The following ARHGAP39 variants were observed in gnomAD, a reference collection of about 807,000 sequenced individuals.
ARHGAP39 encodes rho GTPase-activating protein 39.
Under a neutral mutation model 106.9 loss-of-function variants are expected in ARHGAP39, and 44 were observed. The observed-to-expected ratio is 0.41, with a 90% CI of 0.32 to 0.53. The LOEUF (loss-of-function observed/expected upper bound fraction) is 0.53, where lower values mean the gene tolerates loss of function less well. Ranked by LOEUF, ARHGAP39 falls within the 20% of genes least tolerant of loss-of-function variation. The pLI is 0.21. For synonymous variants in ARHGAP39, 768 were observed against 693.2 expected (o/e 1.11, Z -1.69); for missense variants, 1,496 against 1,577.3 (o/e 0.95, Z 0.87).
intron 1 of ARHGAP39, among the ~76,000 whole-genome samples, chr8:144,616,036 C>T (rs1055657597): frequency 6.6e-6 from 1 of 152,252 alleles, no homozygotes; most frequent in African/African-American, 2.4e-5. Flanking sequence ...GGGTCAGGCA[C>T]ACCCCACACG....
intron 2 of ARHGAP39, among the ~76,000 whole-genome samples, chr8:144,598,523 G>A (rs574004055): frequency 3.3e-5 from 5 of 152,352 alleles, no homozygotes; most frequent in Admixed American, 1.3e-4. Flanking sequence ...CCCGGGGCAT[G>A]AGAGAAGGCA....
At chr8:144,570,186 A>T (rs1818535816) in intron 3 of ARHGAP39, among the ~76,000 whole-genome samples, 1 of 152,182 alleles carries the variant, frequency 6.6e-6, no homozygotes, top group South Asian at 2.1e-4. Context: ...GTGCCATTGC[A>T]CCCCAGCCCG....
At chr8:144,676,814 C>CAGAG (rs1822255009) in intron 1 of ARHGAP39, among the ~76,000 whole-genome samples, 1 of 152,270 alleles carries the variant, frequency 6.6e-6, no homozygotes, top group Non-Finnish European at 1.5e-5. Context: ...AGAGAGAGGC[C>CAGAG]CCCACAGCGC....
intron 2 of ARHGAP39, among the ~76,000 whole-genome samples, chr8:144,587,663 T>C (rs1819232147): frequency 6.6e-6 from 1 of 150,426 alleles, no homozygotes; most frequent in African/African-American, 2.4e-5. Flanking sequence ...ACTTTTTTTT[T>C]TTTTTTTTTG....
At chr8:144,665,424 C>T (rs997205338) in intron 1 of ARHGAP39, among the ~76,000 whole-genome samples, 1 of 152,224 alleles carries the variant, frequency 6.6e-6, no homozygotes, top group Non-Finnish European at 1.5e-5. Flanking sequence ...GAATGTCAAT[C>T]CCCAAGACCA....
chr8:144,552,984 T>A (rs910990057), intron 4 of ARHGAP39, among the ~76,000 whole-genome samples: 1 of 152,220 alleles, frequency 6.6e-6, no homozygotes, highest in Non-Finnish European at 1.5e-5. Flanking sequence ...CGGGCCTGGC[T>A]GGCTCTCAAC....
At chr8:144,680,726 G>A (rs1286237632) in intron 1 of ARHGAP39, among the ~76,000 whole-genome samples, 2 of 152,200 alleles carry the variant, frequency 1.3e-5, no homozygotes, top group Non-Finnish European at 2.9e-5. Flanking sequence ...CAAAAGAAAA[G>A]GAGGGGAAAG....
intron 1 of ARHGAP39, among the ~76,000 whole-genome samples, chr8:144,662,331 G>A (rs543536291): frequency 7.4e-5 from 8 of 108,030 alleles, no homozygotes; most frequent in Admixed American, 3.2e-4. Flanking sequence ...CCTACTATCC[G>A]CCTTAGAGCG....
At chr8:144,597,248 C>T (rs72697662) in intron 2 of ARHGAP39, among the ~76,000 whole-genome samples, 14,378 of 152,176 alleles carry the variant, frequency 0.094, 806 homozygotes, top group African/African-American at 0.13. Context: ...GGGGAGGCAG[C>T]TCCACCCGAT....
At chr8:144,695,347 T>C in the ARHGAP39 span, among the ~76,000 whole-genome samples, 22 of 151,394 alleles carry the variant, frequency 1.5e-4, no homozygotes, top group African/African-American at 5.3e-4. Flanking sequence ...GTGCTGGGAT[T>C]ACAGGTGTGA....
chr8:144,532,982 T>C (rs753965894), intron 9 of ARHGAP39, 144 bp downstream of exon 9: 19 of 1,020,258 alleles, frequency 1.9e-5, no homozygotes, highest in Non-Finnish European at 2.5e-5. Flanking sequence ...TTCCACACTG[T>C]GGCCCCACCC....
chr8:144,582,000 C>A (rs1819009927), intron 2 of ARHGAP39, among the ~76,000 whole-genome samples: 1 of 152,216 alleles, frequency 6.6e-6, no homozygotes, highest in African/African-American at 2.4e-5. Flanking sequence ...CTTAACCCTG[C>A]GACAGGCCTG....
At chr8:144,556,993 C>G (rs1242025640) in intron 3 of ARHGAP39, among the ~76,000 whole-genome samples, 2 of 142,448 alleles carry the variant, frequency 1.4e-5, no homozygotes, top group Non-Finnish European at 3.0e-5. Context: ...TCATAGTATT[C>G]AGAGGCAAAG....
intron 5 of ARHGAP39, 135 bp from the exon 6 acceptor site, chr8:144,545,945 C>T: frequency 1.4e-6 from 1 of 725,606 alleles, no homozygotes; most frequent in Non-Finnish European, 2.2e-6. Context: ...GCCCTGCTCA[C>T]CACAAAGCTG....
intron 1 of ARHGAP39, among the ~76,000 whole-genome samples, chr8:144,635,154 T>C (rs969325702): frequency 4.6e-5 from 7 of 152,202 alleles, no homozygotes. Flanking sequence ...CATTAGTGAG[T>C]TGACTCAGGG....
chr8:144,637,586 G>A (rs1821203093), intron 1 of ARHGAP39, among the ~76,000 whole-genome samples: 1 of 152,180 alleles, frequency 6.6e-6, no homozygotes, highest in Non-Finnish European at 1.5e-5. Flanking sequence ...CTTCAGCCTG[G>A]CAACAGAGCG....
intron 3 of ARHGAP39, among the ~76,000 whole-genome samples, chr8:144,557,582 G>C (rs1414711244): frequency 7.6e-6 from 1 of 130,950 alleles, no homozygotes; most frequent in African/African-American, 2.8e-5. Context: ...GCGGCAAAAG[G>C]CTGAACCTTC....
At chr8:144,640,344 T>C (rs930305318) in intron 1 of ARHGAP39, among the ~76,000 whole-genome samples, 9 of 152,158 alleles carry the variant, frequency 5.9e-5, no homozygotes, top group Admixed American at 2.6e-4. Flanking sequence ...TGGGAGATAA[T>C]TGAATCATAG....
At chr8:144,556,912 G>C (rs377591477) in intron 3 of ARHGAP39, among the ~76,000 whole-genome samples, 2 of 130,386 alleles carry the variant, frequency 1.5e-5, no homozygotes, top group Non-Finnish European at 3.1e-5. Flanking sequence ...GAGGCAAAAG[G>C]CTGAACCTTC....
Sources: allele counts gnomAD v4.1 joint callset (sites outside exome capture counted in the v4.1 genomes callset), GRCh38; gene constraint gnomAD v4.1.1; transcripts MANE v1.5; gene names NCBI Gene and HGNC (gene_info 2026-07-23, HGNC 2026-07-21).